DSCAM: variants seen among roughly 807,000 people sequenced by gnomAD.
DSCAM encodes DS cell adhesion molecule.
A neutral mutation model predicts 217.7 loss-of-function variants in DSCAM; 47 were observed. That is an observed-to-expected ratio of 0.22 (90% CI 0.17 to 0.28). The LOEUF (loss-of-function observed/expected upper bound fraction) is 0.28. Among genes scored for constraint, DSCAM ranks in the 10% least tolerant of loss-of-function variants. DSCAM has a pLI of 1.00. For missense variants in DSCAM, 2,080 were observed against 2,618.3 expected (o/e 0.79, Z 4.49); for synonymous variants, 1,056 against 1,015.3 (o/e 1.04, Z -0.76).
chr21:40,019,250 C>A (rs2088219723), intron 32 of DSCAM, among the ~76,000 whole-genome samples: 1 of 152,174 alleles, frequency 6.6e-6, no homozygotes, highest in South Asian at 2.1e-4. Context: ...ACTGTGGTGA[C>A]CATGGGGACA....
At chr21:40,356,994 G>C (rs1278265644) in intron 4 of DSCAM, among the ~76,000 whole-genome samples, 1 of 152,054 alleles carries the variant, frequency 6.6e-6, no homozygotes, top group Non-Finnish European at 1.5e-5. Context: ...TACTTCACTG[G>C]TGTCTTATGA....
At chr21:40,290,901 T>C (rs770717892) in intron 10 of DSCAM, among the ~76,000 whole-genome samples, 2 of 152,252 alleles carry the variant, frequency 1.3e-5, no homozygotes, top group Non-Finnish European at 2.9e-5. Flanking sequence ...GTTGGGCATA[T>C]GGCTGCAGAA....
intron 4 of DSCAM, among the ~76,000 whole-genome samples, chr21:40,361,445 C>T (rs532021646): frequency 1.1e-4 from 17 of 152,160 alleles, no homozygotes; most frequent in Admixed American, 5.2e-4. Flanking sequence ...ATGGTGAAAC[C>T]CTGTCTCTAC....
In DSCAM at chr21:40,846,704, T is replaced by G. The variant is rs2123703847; in HGVS notation, c.-43A>C. The G allele has an allele frequency of 7.4e-6, 7 of 950,674 alleles. No individual in the cohort carries two copies. The highest frequency in any genetic ancestry group is 8.1e-5 in the East Asian group (1 of 12,406). The allele number at this position is 950,674 out of a possible 1,614,324, so 58.9% of individuals were successfully genotyped here. On this transcript the variant is annotated 5_prime_UTR_variant, in exon 1 of 33. Transcript: ENST00000400454. ...GCCTCCCGCGAGCGACGCGCCGGCC[T>G]CGCCCCCCGCGCTCCGCCCGGCCCG... is the stretch of plus-strand genomic sequence containing the variant.
chr21:40,283,825 A>G (rs2073793119), intron 10 of DSCAM, among the ~76,000 whole-genome samples: 5 of 152,220 alleles, frequency 3.3e-5, no homozygotes. Flanking sequence ...GCCTGCATGC[A>G]AGGAGAGCTT....
At chr21:40,076,335 G>A (rs1213220989) in intron 26 of DSCAM, among the ~76,000 whole-genome samples, 2 of 151,996 alleles carry the variant, frequency 1.3e-5, no homozygotes, top group South Asian at 2.1e-4. Flanking sequence ...AGAAACATTC[G>A]GCTAAGGAAA....
intron 3 of DSCAM, among the ~76,000 whole-genome samples, chr21:40,413,204 C>A (rs2075339381): frequency 6.6e-6 from 1 of 152,158 alleles, no homozygotes; most frequent in Non-Finnish European, 1.5e-5. Context: ...GGTCAGAGTC[C>A]CCACACAGAG....
chr21:40,239,904 G>A (rs772984124), intron 11 of DSCAM, among the ~76,000 whole-genome samples: 3 of 152,088 alleles, frequency 2.0e-5, no homozygotes, highest in South Asian at 2.1e-4. Flanking sequence ...GGGTACATAC[G>A]CAGGGGCCTC....
intron 9 of DSCAM, among the ~76,000 whole-genome samples, chr21:40,303,745 G>A (rs369310348): frequency 6.6e-6 from 1 of 152,132 alleles, no homozygotes; most frequent in East Asian, 1.9e-4. Flanking sequence ...ATCAACAGAT[G>A]GCAATAAAAT....
chr21:40,540,925 G>C (rs1007801563), intron 3 of DSCAM, among the ~76,000 whole-genome samples: 1 of 151,842 alleles, frequency 6.6e-6, no homozygotes, highest in Non-Finnish European at 1.5e-5. Context: ...ATGGGGTTTC[G>C]CTGTGTGGCC....
At chr21:40,258,830 C>T (rs960733142) in intron 11 of DSCAM, among the ~76,000 whole-genome samples, 1 of 152,196 alleles carries the variant, frequency 6.6e-6, no homozygotes, top group Non-Finnish European at 1.5e-5. Context: ...GCTAGCCAAT[C>T]GAGACAAACA....
At chr21:40,641,237 G>C (rs2089874903) in intron 3 of DSCAM, among the ~76,000 whole-genome samples, 1 of 152,062 alleles carries the variant, frequency 6.6e-6, no homozygotes, top group Non-Finnish European at 1.5e-5. Context: ...AGCTGCTCTA[G>C]AATGTTGGTG....
chr21:40,559,392 A>G (rs2076698615), intron 3 of DSCAM, among the ~76,000 whole-genome samples: 1 of 150,588 alleles, frequency 6.6e-6, no homozygotes, highest in Admixed American at 6.6e-5. Context: ...CGGGGGGTGG[A>G]GCTTGCAGTG....
chr21:40,543,317 TG>T (rs1403517773), intron 3 of DSCAM, among the ~76,000 whole-genome samples: 1 of 152,094 alleles, frequency 6.6e-6, no homozygotes, highest in Non-Finnish European at 1.5e-5. Context: ...ATTATAGGGA[TG>T]GGGACAAGAA....
chr21:40,673,883 CGTGAGCCG>C (rs2090306651), intron 3 of DSCAM, among the ~76,000 whole-genome samples: 1 of 152,122 alleles, frequency 6.6e-6, no homozygotes, highest in East Asian at 1.9e-4. Flanking sequence ...CCTGCAGAAC[CGTGAGCCG>C]GTTAAATCTC....
At chr21:40,211,641 G>C (rs1044683252) in intron 11 of DSCAM, among the ~76,000 whole-genome samples, 14 of 143,850 alleles carry the variant, frequency 9.7e-5, no homozygotes, top group Non-Finnish European at 2.2e-4. Flanking sequence ...ATCCATCAGG[G>C]CATGAGTCAA....
At chr21:40,142,907 G>A (rs1486227295) in intron 17 of DSCAM, among the ~76,000 whole-genome samples, 4 of 152,146 alleles carry the variant, frequency 2.6e-5, no homozygotes, top group Non-Finnish European at 5.9e-5. Context: ...ATGAGTCAAT[G>A]CATATATTCT....
intron 6 of DSCAM, among the ~76,000 whole-genome samples, chr21:40,342,610 A>ATG (rs58080164): frequency 0.011 from 1,237 of 116,728 alleles, 23 homozygotes; most frequent in East Asian, 0.018. Flanking sequence ...GTATGTGTAT[A>ATG]TGTGTGTGTG....
intron 29 of DSCAM, 49 bp from the exon 30 acceptor site, chr21:40,052,156 C>A: frequency 6.2e-7 from 1 of 1,600,252 alleles, no homozygotes; most frequent in Non-Finnish European, 8.5e-7. Context: ...ATCTCCCTTC[C>A]AACCACTCCC....
Sources: allele counts gnomAD v4.1 joint callset (sites outside exome capture counted in the v4.1 genomes callset), GRCh38; gene constraint gnomAD v4.1.1; transcripts MANE v1.5; gene names NCBI Gene and HGNC (gene_info 2026-07-23, HGNC 2026-07-21).